IGSF11: variants seen among roughly 807,000 people sequenced by gnomAD.
The protein encoded by IGSF11 is CXADR like 1.
Under a neutral mutation model 41.0 loss-of-function variants are expected in IGSF11, and 22 were observed. The observed-to-expected ratio is 0.54, with a 90% CI of 0.38 to 0.77. IGSF11 has a LOEUF of 0.77. IGSF11 is among the 30% of genes least tolerant of loss of function. The probability of loss-of-function intolerance (pLI) is 0.00; values close to 1 mark genes in which losing one functional copy is unlikely to be tolerated. For synonymous variants in IGSF11, 219 were observed against 201.3 expected, an observed-to-expected ratio of 1.09 and a Z score of -0.74; for missense variants, 444 against 530.8, an observed-to-expected ratio of 0.84 and a Z score of 1.61.
intron 1 of IGSF11, among the ~76,000 whole-genome samples, chr3:119,044,319 T>G (rs1363751709): frequency 2.0e-5 from 3 of 152,056 alleles, no homozygotes; most frequent in African/African-American, 4.8e-5. Flanking sequence ...ACTTCAGAGC[T>G]TGAAGATAAG....
At chr3:119,002,515 G>C (rs1162207976) in intron 1 of IGSF11, among the ~76,000 whole-genome samples, 1 of 131,750 alleles carries the variant, frequency 7.6e-6, no homozygotes, top group Non-Finnish European at 1.6e-5. Context: ...TGTTGCCATT[G>C]CTTTTGGTGT....
intron 1 of IGSF11, among the ~76,000 whole-genome samples, chr3:118,989,430 G>T (rs1298409139): frequency 1.3e-5 from 2 of 151,758 alleles, no homozygotes; most frequent in Admixed American, 6.6e-5. Context: ...TCAGCTCACT[G>T]CAACCTCCGC....
At chr3:119,039,724 C>T (rs2107746910), upstream of IGSF11, among the ~76,000 whole-genome samples, 1 of 152,242 alleles carries the variant, frequency 6.6e-6, no homozygotes, top group East Asian at 1.9e-4. Context: ...TAGGCAGGAA[C>T]ATGTTTGCCT....
At chr3:119,119,285 C>T (rs1033475086) in intron 1 of IGSF11, among the ~76,000 whole-genome samples, 1 of 152,174 alleles carries the variant, frequency 6.6e-6, no homozygotes, top group African/African-American at 2.4e-5. Context: ...CCAGGGAAGC[C>T]TCACAATCAT....
In IGSF11 at chr3:119,056,234, T is replaced by C. The variant is rs1941828904; in HGVS notation, c.49+48910A>G. ...ATTGATAGACTGCTAGCAAGACTAA[T>C]ACAGAAGAAAGAGAGAAGAATCAAA... is the stretch of plus-strand genomic sequence containing the variant. On this transcript the variant is annotated intron_variant, in intron 1 of 6. Transcript: ENST00000354673. Among the ~76,000 whole-genome samples the C allele has an allele frequency of 3.3e-5, 5 of 151,842 alleles. No homozygotes were observed. The South Asian group carries it at 1.0e-3, about 32-fold the overall frequency.
chr3:119,055,979 G>T (rs1024246349), intron 1 of IGSF11, among the ~76,000 whole-genome samples: 1 of 152,192 alleles, frequency 6.6e-6, no homozygotes, highest in South Asian at 2.1e-4. Context: ...GCAGTGTGTA[G>T]AGGGAAATTT....
At chr3:119,101,843 T>C (rs546736639) in intron 1 of IGSF11, among the ~76,000 whole-genome samples, 1 of 152,374 alleles carries the variant, frequency 6.6e-6, no homozygotes, top group African/African-American at 2.4e-5. Flanking sequence ...TTAAATAAAT[T>C]AGTCTATTTC....
At chr3:119,142,370 C>A (rs1038653884) in intron 1 of IGSF11, among the ~76,000 whole-genome samples, 5 of 151,298 alleles carry the variant, frequency 3.3e-5, no homozygotes, top group African/African-American at 9.7e-5. Flanking sequence ...TACAAACTGT[C>A]CAGACTTTAC....
chr3:119,131,448 T>C (rs2077480008), intron 1 of IGSF11, among the ~76,000 whole-genome samples: 1 of 152,122 alleles, frequency 6.6e-6, no homozygotes, highest in Non-Finnish European at 1.5e-5. Context: ...GAAGAAAGGA[T>C]ATCAGTGATT....
chr3:119,105,259 T>C (rs2077003975), upstream of IGSF11: 3 of 1,031,110 alleles, frequency 2.9e-6, no homozygotes, highest in African/African-American at 1.6e-5. Context: ...TAACATTATA[T>C]GTATTTCATT....
chr3:118,941,002 T>G (rs1943652733), intron 1 of IGSF11, among the ~76,000 whole-genome samples: 1 of 150,646 alleles, frequency 6.6e-6, no homozygotes, highest in South Asian at 2.1e-4. Context: ...TCAATAAAAC[T>G]ATAAAACTTC....
chr3:118,975,388 C>A (rs1933972846), intron 1 of IGSF11, among the ~76,000 whole-genome samples: 1 of 137,018 alleles, frequency 7.3e-6, no homozygotes, highest in African/African-American at 3.1e-5. Flanking sequence ...AAGATGTGCT[C>A]ATAGAAAGTT....
intron 3 of IGSF11, among the ~76,000 whole-genome samples, chr3:118,927,917 A>G (rs546062038): frequency 6.6e-6 from 1 of 152,184 alleles, no homozygotes; most frequent in East Asian, 1.9e-4. Context: ...CTAAATTTTA[A>G]TCTAAACGTT....
chr3:119,113,716 A>G (rs557220835), intron 1 of IGSF11, among the ~76,000 whole-genome samples: 4 of 152,186 alleles, frequency 2.6e-5, no homozygotes, highest in Non-Finnish European at 4.4e-5. Flanking sequence ...CCCTCTTCTC[A>G]CAGCTCCACT....
At chr3:119,060,258 T>A (rs977583471) in intron 1 of IGSF11, among the ~76,000 whole-genome samples, 4 of 152,196 alleles carry the variant, frequency 2.6e-5, no homozygotes, top group Non-Finnish European at 5.9e-5. Context: ...AAGTTAGAGA[T>A]ATTGATTAAC....
chr3:119,089,520 A>G (rs1430879835), intron 1 of IGSF11, among the ~76,000 whole-genome samples: 1 of 152,214 alleles, frequency 6.6e-6, no homozygotes, highest in Non-Finnish European at 1.5e-5. Context: ...AATTGGAACA[A>G]GACGAGGATG....
chr3:118,999,432 T>C (rs939644382), intron 1 of IGSF11, among the ~76,000 whole-genome samples: 4 of 152,174 alleles, frequency 2.6e-5, no homozygotes, highest in African/African-American at 9.6e-5. Flanking sequence ...ATGTACTCCA[T>C]TGAGTAATAT....
At chr3:119,082,691 T>C (rs1279253469) in intron 1 of IGSF11, among the ~76,000 whole-genome samples, 1 of 152,214 alleles carries the variant, frequency 6.6e-6, no homozygotes, top group Non-Finnish European at 1.5e-5. Context: ...GTAAGTTTCA[T>C]TGGGTGCAAT....
At chr3:118,966,447 T>A (rs1945680673) in intron 1 of IGSF11, among the ~76,000 whole-genome samples, 2 of 152,196 alleles carry the variant, frequency 1.3e-5, no homozygotes, top group African/African-American at 4.8e-5. Flanking sequence ...GTTATTTGGT[T>A]TATCTTAATT....
Sources: allele counts gnomAD v4.1 joint callset (sites outside exome capture counted in the v4.1 genomes callset), GRCh38; gene constraint gnomAD v4.1.1; transcripts MANE v1.5; gene names NCBI Gene and HGNC (gene_info 2026-07-23, HGNC 2026-07-21).